The following CRB1 variants were observed in gnomAD, a reference collection of about 807,000 sequenced individuals.
The protein encoded by CRB1 is protein crumbs homolog 1.
Under a neutral mutation model 120.0 loss-of-function variants are expected in CRB1, and 83 were observed. That is an observed-to-expected ratio of 0.69 (90% CI 0.58 to 0.83). The LOEUF (loss-of-function observed/expected upper bound fraction) is 0.83, where lower values mean the gene tolerates loss of function less well. CRB1 is among the 40% of genes least tolerant of loss of function. The probability of loss-of-function intolerance (pLI) is 0.00; values close to 1 mark genes in which losing one functional copy is unlikely to be tolerated. For missense variants in CRB1, 1,699 were observed against 1,687.6 expected (o/e 1.01, Z -0.12); for synonymous variants, 625 against 612.5 (o/e 1.02, Z -0.30).
chr1:197,422,013 A>G, intron 6 of CRB1, 57 bp downstream of exon 6: 1 of 1,494,698 alleles, frequency 6.7e-7, no homozygotes, highest in Admixed American at 1.7e-5. Context: ...CAGAGCAGAA[A>G]CAGCAAAAAC....
At chr1:197,371,387 G>C (rs1278036661) in intron 5 of CRB1, among the ~76,000 whole-genome samples, 1 of 152,010 alleles carries the variant, frequency 6.6e-6, no homozygotes, top group Non-Finnish European at 1.5e-5. Flanking sequence ...TTTAGCACTA[G>C]ATAAAAATCC....
At chr1:197,473,738 ATCTCGTCCT>A (rs1667081874) in intron 11 of CRB1, among the ~76,000 whole-genome samples, 3 of 152,032 alleles carry the variant, frequency 2.0e-5, no homozygotes, top group Admixed American at 2.0e-4. Flanking sequence ...CTGGCCTTAA[ATCTCGTCCT>A]GCACCTGGAG....
chr1:197,289,437 T>C (rs899098619), intron 1 of CRB1, among the ~76,000 whole-genome samples: 8 of 151,948 alleles, frequency 5.3e-5, no homozygotes, highest in Admixed American at 3.9e-4. Context: ...ATCTTCAGTG[T>C]ATTGTGATGT....
chr1:197,406,590 A>G (rs907997055), intron 5 of CRB1, among the ~76,000 whole-genome samples: 1 of 152,198 alleles, frequency 6.6e-6, no homozygotes, highest in Non-Finnish European at 1.5e-5. Context: ...TAAATAAATA[A>G]AAAATAATGT....
At chr1:197,461,315 T>C in intron 11 of CRB1, among the ~76,000 whole-genome samples, 1 of 151,694 alleles carries the variant, frequency 6.6e-6, no homozygotes, top group East Asian at 1.9e-4. Context: ...AGAAAAGGAG[T>C]ATTTCATAGG....
At chr1:197,344,138 T>C (rs185670228) in intron 2 of CRB1, 143 bp from the exon 3 acceptor site, 10 of 834,770 alleles carry the variant, frequency 1.2e-5, no homozygotes, top group Non-Finnish European at 1.8e-5. Flanking sequence ...AAAGTTAATA[T>C]CAATTACAAT....
chr1:197,255,863 A>G, the CRB1 span, among the ~76,000 whole-genome samples: 2 of 150,538 alleles, frequency 1.3e-5, no homozygotes, highest in South Asian at 2.1e-4. Flanking sequence ...TTAACTTTCT[A>G]TAGGATAGGA....
At chr1:197,298,579 A>G (rs2125249861) in intron 1 of CRB1, among the ~76,000 whole-genome samples, 1 of 152,258 alleles carries the variant, frequency 6.6e-6, no homozygotes, top group East Asian at 1.9e-4. Context: ...AAAACTGGCT[A>G]AAACACTCCT....
intron 1 of CRB1, among the ~76,000 whole-genome samples, chr1:197,298,024 C>G (rs531114136): frequency 1.3e-5 from 2 of 152,056 alleles, no homozygotes; most frequent in Middle Eastern, 3.4e-3. Context: ...GACAACTGTT[C>G]TGAGAAGTCT....
rs986038900 is a variant in CRB1 at position 197,427,917 on chromosome 1, C to A, written c.2592C>A (p.Phe864Leu). The change falls in exon 7 of 12, where the codon TTC (phenylalanine) becomes TTA (leucine). Residue 864 changes from phenylalanine to leucine, a missense_variant. Physicochemically the swap from Phe to Leu is conservative, Grantham distance 22. Transcript: ENST00000367400. ...GACTAAACAACCAAAATCTGGAATT[C>A]TTTCCAAATCCAACAAACAATGCAT... Reference protein sequence around the residue: ...DVRLNNQNLEFFPNPTNNASL... With the variant: ...DVRLNNQNLELFPNPTNNASL... 4 of 1,613,896 alleles carry A rather than the reference C, an allele frequency of 2.5e-6. No individual in the cohort carries two copies. Among genetic ancestry groups the A allele is most frequent in the Admixed American group, 3.3e-5 (2 of 59,956 alleles).
At chr1:197,365,626 C>CTTTTTTTTTTTTT (rs375542477) in intron 5 of CRB1, among the ~76,000 whole-genome samples, 1 of 121,888 alleles carries the variant, frequency 8.2e-6, no homozygotes, top group African/African-American at 3.5e-5. Flanking sequence ...TCTTCTTCTT[C>CTTTTTTTTTTTTT]TTTTTTTTTT....
intron 2 of CRB1, among the ~76,000 whole-genome samples, chr1:197,335,792 C>T (rs1009380127): frequency 2.0e-5 from 3 of 152,218 alleles, no homozygotes; most frequent in East Asian, 1.9e-4. Context: ...CCACCTCGCC[C>T]GGCCCCTATC....
rs1571599213 is a variant in CRB1 at position 197,453,952 on chromosome 1, GA to G, written c.4005+11661del. On this transcript the variant is annotated intron_variant, in intron 11 of 11. Transcript: ENST00000367400. ...TATATTATTAATAATATATATTATT[GA>G]TATTATTATATTATTAATAATATAT... Among the ~76,000 whole-genome samples the G allele has an allele frequency of 8.3e-5, 10 of 120,024 alleles. 1 individual carries two copies. The Admixed American group carries it at 8.4e-4, about 10-fold the overall frequency. 78.7% of individuals were successfully genotyped at this position (120,024 alleles called of 152,430 possible).
chr1:197,471,871 T>C (rs1190140629), intron 11 of CRB1, among the ~76,000 whole-genome samples: 3 of 152,180 alleles, frequency 2.0e-5, no homozygotes, highest in East Asian at 1.9e-4. Flanking sequence ...ATCCACCAAA[T>C]TGACGATCTA....
chr1:197,396,291 A>G (rs1662768358), intron 5 of CRB1, among the ~76,000 whole-genome samples: 1 of 152,308 alleles, frequency 6.6e-6, no homozygotes, highest in Non-Finnish European at 1.5e-5. Context: ...TAGAATGCCA[A>G]AAACTACAAA....
chr1:197,356,199 C>T (rs1660470973), intron 4 of CRB1, among the ~76,000 whole-genome samples: 1 of 152,134 alleles, frequency 6.6e-6, no homozygotes, highest in Non-Finnish European at 1.5e-5. Flanking sequence ...TACACTAAAA[C>T]TGTATGTATT....
chr1:197,428,050 A>G, intron 7 of CRB1, 49 bp downstream of exon 7: 1 of 1,536,798 alleles, frequency 6.5e-7, no homozygotes, highest in East Asian at 2.3e-5. Context: ...CTAAACTTTT[A>G]CTTTATTAAA....
chr1:197,349,882 T>C (rs568885874), intron 4 of CRB1, among the ~76,000 whole-genome samples: 126 of 151,658 alleles, frequency 8.3e-4, no homozygotes, highest in South Asian at 2.3e-3. Context: ...GGGTGGATCA[T>C]GAGGTCAGGA....
chr1:197,393,300 G>A (rs947196215), intron 5 of CRB1, among the ~76,000 whole-genome samples: 1 of 152,056 alleles, frequency 6.6e-6, no homozygotes, highest in Admixed American at 6.6e-5. Flanking sequence ...TGAAAGCTAG[G>A]TTTGCTCCTC....
Sources: gnomAD v4.1 joint callset for allele counts (sites outside exome capture counted in the v4.1 genomes callset) on GRCh38, gnomAD v4.1.1 for gene constraint, MANE v1.5 for transcripts, NCBI Gene and HGNC (gene_info 2026-07-23, HGNC 2026-07-21) for gene names.